Variants in GALNT13 observed in about 807,000 individuals in gnomAD.
The protein encoded by GALNT13 is polypeptide N-acetylgalactosaminyltransferase 13, also known as UDP-GalNAc:polypeptide N-acetylgalactosaminyltransferase 13.
In GALNT13, 28 loss-of-function variants were observed where a neutral mutation model predicts 64.2. The ratio of observed to expected loss-of-function variants is 0.44; its 90% CI spans 0.32 to 0.60. The LOEUF (loss-of-function observed/expected upper bound fraction) is 0.60. Ranked by LOEUF, GALNT13 falls within the 20% of genes least tolerant of loss-of-function variation. The pLI, the probability that GALNT13 is intolerant of heterozygous loss-of-function variation, is 0.05. For missense variants in GALNT13, 577 were observed against 669.8 expected, an observed-to-expected ratio of 0.86 and a Z score of 1.53; for synonymous variants, 214 against 224.6, an observed-to-expected ratio of 0.95 and a Z score of 0.42.
At chr2:153,570,501 T>G in the GALNT13 span, among the ~76,000 whole-genome samples, 4 of 152,176 alleles carry the variant, frequency 2.6e-5, no homozygotes, top group Non-Finnish European at 5.9e-5. Context: ...TTGCCTATGC[T>G]TGTGAAGTAT....
chr2:154,153,015 T>C (rs1684150602), intron 4 of GALNT13, among the ~76,000 whole-genome samples: 1 of 152,204 alleles, frequency 6.6e-6, no homozygotes, highest in African/African-American at 2.4e-5. Flanking sequence ...CTCTGCTTTT[T>C]AGAGTTTCCA....
the GALNT13 span, among the ~76,000 whole-genome samples, chr2:153,082,635 A>ATG: frequency 3.7e-5 from 3 of 81,072 alleles, no homozygotes; most frequent in Admixed American, 2.5e-4. Flanking sequence ...ACACACACAC[A>ATG]CACACACACA....
At chr2:154,091,674 G>A (rs963120078) in intron 3 of GALNT13, among the ~76,000 whole-genome samples, 9 of 151,630 alleles carry the variant, frequency 5.9e-5, no homozygotes, top group Non-Finnish European at 1.2e-4. Flanking sequence ...TGGGATTATT[G>A]TATTAAATCA....
chr2:153,912,622 G>A (rs1689034168), intron 2 of GALNT13, among the ~76,000 whole-genome samples: 1 of 151,776 alleles, frequency 6.6e-6, no homozygotes, highest in Non-Finnish European at 1.5e-5. Flanking sequence ...GGGTTTAATT[G>A]TGGTATAAGG....
intron 11 of GALNT13, among the ~76,000 whole-genome samples, chr2:154,433,207 T>G (rs1262868926): frequency 1.3e-5 from 2 of 152,204 alleles, no homozygotes; most frequent in Non-Finnish European, 2.9e-5. Context: ...TCACACATGA[T>G]AAGGCTGGCT....
chr2:153,336,741 G>C, the GALNT13 span, among the ~76,000 whole-genome samples: 3 of 152,052 alleles, frequency 2.0e-5, no homozygotes, highest in African/African-American at 7.2e-5. Flanking sequence ...AGGCATGATT[G>C]GTTTTAAAAA....
intron 9 of GALNT13, among the ~76,000 whole-genome samples, chr2:154,326,326 C>CAA (rs35753554): frequency 9.4e-4 from 89 of 95,084 alleles, no homozygotes; most frequent in Non-Finnish European, 1.3e-3. Flanking sequence ...GGGATTTCTG[C>CAA]AAAAAAAAAA....
chr2:153,334,512 T>TGCA, the GALNT13 span, among the ~76,000 whole-genome samples: 1 of 152,308 alleles, frequency 6.6e-6, no homozygotes, highest in Admixed American at 6.5e-5. Context: ...TTGCTTCTAC[T>TGCA]GCAGCATTCA....
chr2:153,961,617 C>A (rs150702631), intron 3 of GALNT13, among the ~76,000 whole-genome samples: 1 of 151,692 alleles, frequency 6.6e-6, no homozygotes, highest in African/African-American at 2.4e-5. Flanking sequence ...ATTAGCAGAC[C>A]CAACTTCATA....
intron 9 of GALNT13, among the ~76,000 whole-genome samples, chr2:154,356,575 A>G (rs2105272546): frequency 6.6e-6 from 1 of 151,984 alleles, no homozygotes; most frequent in East Asian, 1.9e-4. Context: ...TATTCTACTT[A>G]GGAAACTTCA....
chr2:153,964,469 A>G (rs2105104450), intron 3 of GALNT13, among the ~76,000 whole-genome samples: 1 of 152,078 alleles, frequency 6.6e-6, no homozygotes, highest in Non-Finnish European at 1.5e-5. Context: ...AAAGAACAGC[A>G]TTTTCATATA....
At chr2:153,688,023 A>G in the GALNT13 span, among the ~76,000 whole-genome samples, 1 of 151,920 alleles carries the variant, frequency 6.6e-6, no homozygotes, top group African/African-American at 2.4e-5. Context: ...CAAAGTAACT[A>G]CACAGTTATT....
chr2:153,213,735 C>T, the GALNT13 span, among the ~76,000 whole-genome samples: 1 of 152,128 alleles, frequency 6.6e-6, no homozygotes, highest in Non-Finnish European at 1.5e-5. Context: ...GCCTCCATTC[C>T]TTCATCTCTA....
At chr2:154,277,803 A>G (rs1304419488) in intron 8 of GALNT13, among the ~76,000 whole-genome samples, 1 of 152,202 alleles carries the variant, frequency 6.6e-6, no homozygotes, top group Admixed American at 6.5e-5. Context: ...TCCAAATTTG[A>G]TGCATTAGGA....
intron 3 of GALNT13, among the ~76,000 whole-genome samples, chr2:154,078,341 G>GA (rs1409808502): frequency 4.0e-5 from 6 of 151,422 alleles, no homozygotes; most frequent in Non-Finnish European, 8.9e-5. Flanking sequence ...ATAGGAAAAA[G>GA]AAAATTAAAA....
the GALNT13 span, among the ~76,000 whole-genome samples, chr2:153,471,011 T>A: frequency 6.6e-6 from 1 of 152,176 alleles, no homozygotes; most frequent in Non-Finnish European, 1.5e-5. Context: ...TGAGTTTGAA[T>A]ATGTAAAGTG....
chr2:153,654,680 A>G, the GALNT13 span, among the ~76,000 whole-genome samples: 1 of 152,140 alleles, frequency 6.6e-6, no homozygotes, highest in Non-Finnish European at 1.5e-5. Context: ...AAAATACAAC[A>G]TAATTATTTA....
At chr2:154,426,444 G>A (rs1245099723) in intron 11 of GALNT13, among the ~76,000 whole-genome samples, 3 of 152,142 alleles carry the variant, frequency 2.0e-5, no homozygotes, top group Non-Finnish European at 4.4e-5. Flanking sequence ...AAGGGAAGGA[G>A]GTTATACAGG....
At chr2:154,435,270 A>G (rs1700905259) in intron 11 of GALNT13, among the ~76,000 whole-genome samples, 1 of 152,154 alleles carries the variant, frequency 6.6e-6, no homozygotes, top group South Asian at 2.1e-4. Context: ...TGAATGAATC[A>G]ATCTTGTATC....
Sources: allele counts gnomAD v4.1 joint callset (sites outside exome capture counted in the v4.1 genomes callset), GRCh38; gene constraint gnomAD v4.1.1; transcripts MANE v1.5; gene names NCBI Gene and HGNC (gene_info 2026-07-23, HGNC 2026-07-21).